HERC2: variants seen among roughly 807,000 people sequenced by gnomAD.
HERC2 encodes the protein E3 ubiquitin-protein ligase HERC2.
Under a neutral mutation model 537.7 loss-of-function variants are expected in HERC2, and 102 were observed. The ratio of observed to expected loss-of-function variants is 0.19; its 90% CI spans 0.16 to 0.22. The LOEUF is 0.22. HERC2 is among the 10% of genes least tolerant of loss of function. The pLI, the probability that HERC2 is intolerant of heterozygous loss-of-function variation, is 1.00. For missense variants in HERC2, 4,236 were observed against 6,198.2 expected, an observed-to-expected ratio of 0.68 and a Z score of 10.63; for synonymous variants, 2,224 against 2,466.2, an observed-to-expected ratio of 0.90 and a Z score of 2.91.
chr15:28,312,521 C>T (rs1357977160), intron 2 of HERC2, among the ~76,000 whole-genome samples: 1 of 152,094 alleles, frequency 6.6e-6, no homozygotes, highest in African/African-American at 2.4e-5. Context: ...ATCCCAGCTA[C>T]TCAGGAGGCT....
Position 28,191,073 on chromosome 15 carries a change from A to T in HERC2, c.8558-17T>A, listed in dbSNP as rs377119782. ...AATTTCCACCTAGGAAAAAATGGGTAAAGAATCAAACAAAGGCGTCTTTAT... is the reference window on the plus strand; with the variant it reads ...AATTTCCACCTAGGAAAAAATGGGTTAAGAATCAAACAAAGGCGTCTTTAT... On this transcript the variant is annotated splice_polypyrimidine_tract_variant and intron_variant, in intron 54 of 92. Transcript: ENST00000261609. 6.3e-7 allele frequency: 1 copy of T among 1,599,532 alleles called. No individual in the cohort carries two copies. Among genetic ancestry groups the T allele is most frequent in the Non-Finnish European group, 8.6e-7 (1 of 1,166,718 alleles).
intron 70 of HERC2, among the ~76,000 whole-genome samples, chr15:28,149,473 G>A (rs1596058379): frequency 6.8e-6 from 1 of 147,340 alleles, no homozygotes; most frequent in Non-Finnish European, 1.5e-5. Flanking sequence ...CACCGAGAAC[G>A]GCCACACCAA....
chr15:28,134,365 T>G lies in HERC2; in HGVS notation c.12230+1113A>C, dbSNP rs76758673. On this transcript the variant is annotated intron_variant, in intron 79 of 92. Transcript: ENST00000261609. Reference sequence around the variant, plus strand: ...CTCACTTATCAGTTCTAGCAGCTTTTTGTAAATACCACCAGGTTCTCTGCA... The same window carrying G: ...CTCACTTATCAGTTCTAGCAGCTTTGTGTAAATACCACCAGGTTCTCTGCA... 3.2e-4 allele frequency among the ~76,000 whole-genome samples: 48 copies of G among 152,346 alleles called. 1 individual carries two copies. In the East Asian group the frequency reaches 4.6e-3, roughly 15 times the overall value.
intron 69 of HERC2, among the ~76,000 whole-genome samples, chr15:28,161,552 G>A (rs777602647): frequency 3.9e-5 from 6 of 152,128 alleles, no homozygotes; most frequent in Non-Finnish European, 8.8e-5. Flanking sequence ...CTAGTAAGAC[G>A]CTCACTTTAT....
intron 42 of HERC2, chr15:28,212,892 T>C (rs1899417224): frequency 1.8e-6 from 1 of 555,282 alleles, no homozygotes; most frequent in Non-Finnish European, 2.3e-6. Flanking sequence ...TATATTCCTA[T>C]AATAATAAAA....
intron 12 of HERC2, among the ~76,000 whole-genome samples, chr15:28,266,573 T>C (rs1373597399): frequency 1.3e-5 from 2 of 152,088 alleles, no homozygotes; most frequent in Non-Finnish European, 2.9e-5. Context: ...CCCAAAACCA[T>C]GGTCCATCTG....
chr15:28,274,432 A>C lies in HERC2; in HGVS notation c.659T>G (p.Leu220Arg), dbSNP rs533763585. Residue 220 changes from leucine to arginine, a missense_variant, in exon 7 of 93, where the codon CTC becomes CGC. Leu to Arg is a moderately radical substitution (Grantham distance 102). Transcript: ENST00000261609. ...GGACTCCTGCAACAGCTCACTGCAG[A>C]GGTCCGCATCCTCGCCTGGGCGCAC... ...RAWRSGEDAD[L>R]CSELLQESLD... 1 of 1,612,270 alleles carries C rather than the reference A, an allele frequency of 6.2e-7. No homozygotes were observed. The highest frequency in any genetic ancestry group is 8.5e-7 in the Non-Finnish European group (1 of 1,179,250).
chr15:28,240,432 AAAAAT>A (rs963746707), intron 23 of HERC2, among the ~76,000 whole-genome samples: 16 of 152,276 alleles, frequency 1.1e-4, no homozygotes, highest in African/African-American at 3.4e-4. Context: ...CAAAAATTAA[AAAAAT>A]AAAATAAAAT....
intron 56 of HERC2, among the ~76,000 whole-genome samples, chr15:28,183,764 ATTTAC>A (rs1286009128): frequency 1.3e-5 from 2 of 152,180 alleles, no homozygotes; most frequent in African/African-American, 4.8e-5. Context: ...ACTAATAAAT[ATTTAC>A]TTTAAGGGTT....
intron 55 of HERC2, chr15:28,190,497 A>C (rs907447804): frequency 6.1e-6 from 1 of 162,916 alleles, no homozygotes; most frequent in African/African-American, 2.4e-5. Flanking sequence ...TCCAGAGATA[A>C]ACTTAGACTC....
Position 28,135,452 on chromosome 15 carries a change from G to A in HERC2, c.12230+26C>T, listed in dbSNP as rs78194002. On this transcript the variant is annotated intron_variant, in intron 79 of 92. Transcript: ENST00000261609. ...AAACAAAAACAAAGACAAATAGAATGTTGAAATAATTTTTTCACATCATAC... is the reference window on the plus strand; with the variant it reads ...AAACAAAAACAAAGACAAATAGAATATTGAAATAATTTTTTCACATCATAC... The A allele has an allele frequency of 2.2e-3, 3,474 of 1,557,044 alleles. 70 individuals are homozygous for A. The African/African-American group carries it at 0.042, about 19-fold the overall frequency.
At chr15:28,179,767 T>TA (rs1439348769) in intron 57 of HERC2, among the ~76,000 whole-genome samples, 1 of 152,190 alleles carries the variant, frequency 6.6e-6, no homozygotes, top group African/African-American at 2.4e-5. Flanking sequence ...AATGTATGTG[T>TA]TTGGGTCTTA....
chr15:28,112,200 C>T (rs113143748), intron 92 of HERC2, among the ~76,000 whole-genome samples, 165 bp from the exon 93 acceptor site: 12 of 152,258 alleles, frequency 7.9e-5, no homozygotes, highest in African/African-American at 2.4e-4. Context: ...GCAATTAATT[C>T]CTAGAACTTG....
intron 34 of HERC2, 139 bp downstream of exon 34, chr15:28,229,056 C>G: frequency 1.2e-6 from 1 of 823,976 alleles, no homozygotes. Context: ...AGAAAGCTGA[C>G]AGCAGCATAG....
At chr15:28,120,716 T>C (rs890143488) in intron 86 of HERC2, among the ~76,000 whole-genome samples, 3 of 152,182 alleles carry the variant, frequency 2.0e-5, no homozygotes, top group Non-Finnish European at 4.4e-5. Context: ...TTATAACCTA[T>C]AATCGGATGT....
rs1235312164 is a variant in HERC2 at position 28,111,420 on chromosome 15, T to C, written c.*343A>G. The C allele has an allele frequency of 3.9e-6, 1 of 259,266 alleles. No homozygotes were observed. 16.1% of individuals were successfully genotyped at this position (259,266 alleles called of 1,614,324 possible). On this transcript the variant is annotated 3_prime_UTR_variant, in exon 93 of 93. Transcript: ENST00000261609. ...TGAAAGAAAGGAGAAAGAAAAAAAA[T>C]CGATTGCACCCACAAGTAAAAAGGC...
At chr15:28,175,699 T>C in intron 63 of HERC2, 43 bp from the exon 64 acceptor site, 1 of 1,604,594 alleles carries the variant, frequency 6.2e-7, no homozygotes, top group Non-Finnish European at 8.5e-7. Context: ...ACGGTTATGG[T>C]CTGACAATGC....
chr15:28,266,028 ATTAATG>A, intron 12 of HERC2, 54 bp from the exon 13 acceptor site: 2 of 1,581,630 alleles, frequency 1.3e-6, no homozygotes, highest in Non-Finnish European at 1.7e-6. Context: ...GTTATTTCTT[ATTAATG>A]TTAACAAAGG....
intron 78 of HERC2, among the ~76,000 whole-genome samples, chr15:28,139,861 C>T (rs1307941813): frequency 6.7e-5 from 10 of 149,872 alleles, no homozygotes; most frequent in Admixed American, 6.6e-4. Context: ...GAGTTCAAGA[C>T]CAGCCTGGCC....
Sources: allele counts gnomAD v4.1 joint callset (sites outside exome capture counted in the v4.1 genomes callset), GRCh38; gene constraint gnomAD v4.1.1; transcripts MANE v1.5; gene names NCBI Gene and HGNC (gene_info 2026-07-23, HGNC 2026-07-21).